The following L3MBTL3 variants were observed in gnomAD, a reference collection of about 807,000 sequenced individuals.
L3MBTL3 encodes the protein L3MBTL histone methyl-lysine binding protein 3.
A neutral mutation model predicts 102.3 loss-of-function variants in L3MBTL3; 27 were observed. The ratio of observed to expected loss-of-function variants is 0.26; its 90% CI spans 0.19 to 0.36. The LOEUF is 0.36. Among genes scored for constraint, L3MBTL3 ranks in the 10% least tolerant of loss-of-function variants. L3MBTL3 has a pLI of 1.00. For synonymous variants in L3MBTL3, 340 were observed against 320.9 expected (o/e 1.06, Z -0.64); for missense variants, 798 against 955.3 (o/e 0.84, Z 2.17).
intron 16 of L3MBTL3, among the ~76,000 whole-genome samples, chr6:130,088,886 T>TTGTTTTGTTCTCATTCAC (rs1584405862): frequency 6.6e-6 from 1 of 152,252 alleles, no homozygotes; most frequent in East Asian, 1.9e-4. Flanking sequence ...TTATTTTACA[T>TTGTTTTGTTCTCATTCAC]TGTTTTGTTC....
At chr6:130,056,203 C>T (rs1781499133) in intron 8 of L3MBTL3, among the ~76,000 whole-genome samples, 1 of 152,192 alleles carries the variant, frequency 6.6e-6, no homozygotes, top group Non-Finnish European at 1.5e-5. Flanking sequence ...GCTGGGATTA[C>T]AGGCATGAGC....
intron 20 of L3MBTL3, among the ~76,000 whole-genome samples, chr6:130,132,220 A>G (rs1336944711): frequency 6.6e-6 from 1 of 152,222 alleles, no homozygotes; most frequent in Non-Finnish European, 1.5e-5. Flanking sequence ...AATGTGGATG[A>G]ATCTCAGAAA....
intron 14 of L3MBTL3, among the ~76,000 whole-genome samples, chr6:130,079,687 G>A (rs1783190278): frequency 6.6e-6 from 1 of 152,160 alleles, no homozygotes; most frequent in Admixed American, 6.5e-5. Flanking sequence ...GTAGCCTGCA[G>A]CATGTAAGCT....
chr6:130,073,519 A>AG (rs1311890191), intron 13 of L3MBTL3, among the ~76,000 whole-genome samples: 1 of 152,134 alleles, frequency 6.6e-6, no homozygotes, highest in Non-Finnish European at 1.5e-5. Context: ...ATTTTTTTAA[A>AG]GCTTTTGCCT....
At chr6:130,108,231 GT>G (rs869221525) in intron 19 of L3MBTL3, among the ~76,000 whole-genome samples, 40,626 of 88,606 alleles carry the variant, frequency 0.46, 8,252 homozygotes, top group East Asian at 0.69. Context: ...TTTTTTTTTT[GT>G]TTTTTTTTTT....
intron 19 of L3MBTL3, among the ~76,000 whole-genome samples, chr6:130,105,338 G>A (rs1784921082): frequency 6.6e-6 from 1 of 152,188 alleles, no homozygotes; most frequent in South Asian, 2.1e-4. Flanking sequence ...AGGAGTAATG[G>A]CATTTAAACT....
chr6:130,021,264 A>G (rs1019427530), intron 1 of L3MBTL3, among the ~76,000 whole-genome samples: 3 of 152,230 alleles, frequency 2.0e-5, no homozygotes, highest in Non-Finnish European at 4.4e-5. Context: ...GGCCGAGAGC[A>G]AAGTTTGGCC....
At chr6:130,120,068 C>T (rs1445183093) in intron 19 of L3MBTL3, among the ~76,000 whole-genome samples, 2 of 152,138 alleles carry the variant, frequency 1.3e-5, no homozygotes, top group Non-Finnish European at 2.9e-5. Context: ...AACAGTAGCA[C>T]ATCATAAACA....
At chr6:130,052,672 A>G (rs1781180732) in intron 6 of L3MBTL3, among the ~76,000 whole-genome samples, 187 bp from the exon 7 acceptor site, 1 of 152,198 alleles carries the variant, frequency 6.6e-6, no homozygotes, top group African/African-American at 2.4e-5. Context: ...GACAGATGTC[A>G]TATGTAATAG....
At chr6:130,067,480 T>A (rs1178724649) in intron 11 of L3MBTL3, among the ~76,000 whole-genome samples, 4 of 152,234 alleles carry the variant, frequency 2.6e-5, no homozygotes, top group African/African-American at 9.6e-5. Flanking sequence ...TGTCAAAAAT[T>A]CAGGTTACTG....
At chr6:130,076,463 T>A (rs181226549) in intron 13 of L3MBTL3, among the ~76,000 whole-genome samples, 55 of 152,280 alleles carry the variant, frequency 3.6e-4, no homozygotes, top group Middle Eastern at 3.4e-3. Flanking sequence ...GGATTTTTTT[T>A]AAAATAGGTT....
intron 16 of L3MBTL3, among the ~76,000 whole-genome samples, chr6:130,090,527 G>A (rs1048422237): frequency 1.4e-4 from 22 of 152,122 alleles, no homozygotes; most frequent in African/African-American, 5.3e-4. Flanking sequence ...ATTGTATCTT[G>A]TGATTTTAAT....
At chr6:130,100,887 G>A (rs75205552) in intron 18 of L3MBTL3, among the ~76,000 whole-genome samples, 5,855 of 152,172 alleles carry the variant, frequency 0.038, 218 homozygotes, top group African/African-American at 0.09. Flanking sequence ...TCCCATTGTC[G>A]AAGGTGGATG....
Position 130,108,179 on chromosome 6 carries a change from T to C in L3MBTL3, c.1886+3604T>C, listed in dbSNP as rs539657133. Among the ~76,000 whole-genome samples, 241 of 151,326 alleles carry C rather than the reference T, an allele frequency of 1.6e-3. 1 individual carries two copies. Among genetic ancestry groups the C allele is most frequent in the Non-Finnish European group, 2.2e-3 (152 of 67,900 alleles). ...AAATGCAAATATGAAGCTCTTGGAATAGTGATTAATAAGTCATAAGCCCTC... is the reference window on the plus strand; with the variant it reads ...AAATGCAAATATGAAGCTCTTGGAACAGTGATTAATAAGTCATAAGCCCTC... On this transcript the variant is annotated intron_variant, in intron 19 of 22. Transcript: ENST00000361794.
At chr6:130,027,459 T>C (rs1018116805) in intron 2 of L3MBTL3, among the ~76,000 whole-genome samples, 2 of 152,194 alleles carry the variant, frequency 1.3e-5, no homozygotes, top group African/African-American at 4.8e-5. Context: ...TTGAAATTCC[T>C]AGGTGGTCAA....
intron 19 of L3MBTL3, among the ~76,000 whole-genome samples, chr6:130,112,923 T>C (rs1785445047): frequency 6.6e-6 from 1 of 152,154 alleles, no homozygotes; most frequent in African/African-American, 2.4e-5. Flanking sequence ...TTTGTGCCAG[T>C]GCTTGCTGTG....
chr6:130,050,730 C>A (rs767304728), intron 5 of L3MBTL3, among the ~76,000 whole-genome samples: 1 of 152,126 alleles, frequency 6.6e-6, no homozygotes, highest in Non-Finnish European at 1.5e-5. Context: ...AATGATTAGC[C>A]TAACAATTCA....
chr6:130,030,178 T>TA (rs1359523694), intron 2 of L3MBTL3, among the ~76,000 whole-genome samples: 7 of 151,808 alleles, frequency 4.6e-5, no homozygotes. Flanking sequence ...TTCTTTAGAA[T>TA]AACTGTAACT....
chr6:130,030,549 C>G (rs558372841), intron 2 of L3MBTL3, among the ~76,000 whole-genome samples: 80 of 151,660 alleles, frequency 5.3e-4, no homozygotes, highest in African/African-American at 1.9e-3. Flanking sequence ...TGCCTGTAGT[C>G]CCAGCTACTC....
Sources: gnomAD v4.1 joint callset for allele counts (sites outside exome capture counted in the v4.1 genomes callset) on GRCh38, gnomAD v4.1.1 for gene constraint, MANE v1.5 for transcripts, NCBI Gene and HGNC (gene_info 2026-07-23, HGNC 2026-07-21) for gene names.